The following RFTN1 variants were observed in gnomAD, a reference collection of about 807,000 sequenced individuals.
The protein encoded by RFTN1 is raftlin.
A neutral mutation model predicts 46.5 loss-of-function variants in RFTN1; 26 were observed. The ratio of observed to expected loss-of-function variants is 0.56; its 90% confidence interval spans 0.41 to 0.78. The LOEUF (loss-of-function observed/expected upper bound fraction) is 0.78, where lower values mean the gene tolerates loss of function less well. RFTN1 is among the 30% of genes least tolerant of loss of function. The probability of loss-of-function intolerance (pLI) is 0.00; values close to 1 mark genes in which losing one functional copy is unlikely to be tolerated. For synonymous variants in RFTN1, 261 were observed against 284.2 expected, an observed-to-expected ratio of 0.92 and a Z score of 0.82; for missense variants, 693 against 718.7, an observed-to-expected ratio of 0.96 and a Z score of 0.41.
At chr3:16,330,852 A>T (rs2070239692) in intron 7 of RFTN1, among the ~76,000 whole-genome samples, 1 of 152,238 alleles carries the variant, frequency 6.6e-6, no homozygotes, top group Admixed American at 6.5e-5. Flanking sequence ...TCTTTTGATG[A>T]TTTAAAAGAT....
intron 5 of RFTN1, among the ~76,000 whole-genome samples, chr3:16,375,652 T>G (rs2073739719): frequency 6.6e-6 from 1 of 152,178 alleles, no homozygotes. Flanking sequence ...AGCAGAGAGA[T>G]AAAGGGACTG....
chr3:16,369,697 C>A (rs2073411882), intron 6 of RFTN1, among the ~76,000 whole-genome samples: 1 of 152,204 alleles, frequency 6.6e-6, no homozygotes, highest in South Asian at 2.1e-4. Flanking sequence ...ACTGCTACTT[C>A]AAACTGTAAT....
chr3:16,435,917 A>ATATATATAT (rs2075501448), intron 2 of RFTN1, among the ~76,000 whole-genome samples: 2 of 142,360 alleles, frequency 1.4e-5, no homozygotes, highest in African/African-American at 5.3e-5. Flanking sequence ...CAGAGATGTA[A>ATATATATAT]ATATATATAT....
chr3:16,387,749 C>T lies in RFTN1; in HGVS notation c.442-9647G>A, dbSNP rs1423539685. ...CCGCCTCACCGACTCCACCTCCACT[C>T]ACTCTCTAGCTTCTGTACTGCCTCC... On this transcript the variant is annotated intron_variant, in intron 4 of 9. Transcript: ENST00000334133. The surrounding 1 kb of genome is among the most constrained non-coding windows in gnomAD (Gnocchi z 5.2). Among the ~76,000 whole-genome samples, 4 of 152,122 alleles carry T rather than the reference C, an allele frequency of 2.6e-5. No individual in the cohort carries two copies. The highest frequency in any genetic ancestry group is 3.9e-4 in the East Asian group (2 of 5,184).
chr3:16,440,492 C>T lies in RFTN1; in HGVS notation c.146-6455G>A, dbSNP rs1300788724. On this transcript the variant is annotated intron_variant, in intron 2 of 9. Transcript: ENST00000334133. This position sits in a 1 kb window ranked among gnomAD's most constrained non-coding sequence, Gnocchi z 4.6. The stretch of plus-strand genomic sequence containing the variant: ...CTGCAGTGCAAAGGACAATTCTCTC[C>T]TGGCTTCTCCCCTACCTGGGCAGGG... Among the ~76,000 whole-genome samples, 1 of 152,206 alleles carries T rather than the reference C, an allele frequency of 6.6e-6. No homozygotes were observed. The highest frequency in any genetic ancestry group is 2.4e-5 in the African/African-American group (1 of 41,446).
At chr3:16,369,172 T>C (rs2073382132) in intron 6 of RFTN1, among the ~76,000 whole-genome samples, 1 of 152,244 alleles carries the variant, frequency 6.6e-6, no homozygotes, top group African/African-American at 2.4e-5. Flanking sequence ...GTCTCTATTC[T>C]CAGGATGCTT....
Position 16,385,703 on chromosome 3 carries a change from T to C in RFTN1, c.442-7601A>G, listed in dbSNP as rs960225661. On this transcript the variant is annotated intron_variant, in intron 4 of 9. Coordinates refer to ENST00000334133, the MANE Select transcript of RFTN1 (RefSeq NM_015150.2). This position sits in a 1 kb window ranked among gnomAD's most constrained non-coding sequence, Gnocchi z 5.0. ...AGTTTGTCATAGTAGATGCATGCCCTGACCAGGAGGGCACAGTCAAAGAGT... is the reference window on the plus strand; with the variant it reads ...AGTTTGTCATAGTAGATGCATGCCCCGACCAGGAGGGCACAGTCAAAGAGT... Among the ~76,000 whole-genome samples the C allele has an allele frequency of 2.6e-5, 4 of 152,188 alleles. No homozygotes were observed. Among genetic ancestry groups the C allele is most frequent in the African/African-American group, 9.7e-5 (4 of 41,430 alleles).
rs888706477 is a variant in RFTN1, at chr3:16,402,268, C to T, written c.441+7107G>A. Among the ~76,000 whole-genome samples, 1 of 152,124 alleles carries T rather than the reference C, an allele frequency of 6.6e-6. No individual in the cohort carries two copies. Among genetic ancestry groups the T allele is most frequent in the Admixed American group, 6.5e-5 (1 of 15,268 alleles). On this transcript the variant is annotated intron_variant, in intron 4 of 9. Transcript: ENST00000334133. This position sits in a 1 kb window ranked among gnomAD's most constrained non-coding sequence, Gnocchi z 4.5. ...TTCTCTTTCAATGTATCCATTAACT[C>T]GACGCTTATGTATTAAGTCCTGAAG...
At chr3:16,357,114 CAAAAAAAAAAAAAACAA>C (rs1173577194) in intron 7 of RFTN1, among the ~76,000 whole-genome samples, 15 of 133,570 alleles carry the variant, frequency 1.1e-4, no homozygotes, top group African/African-American at 4.1e-4. Context: ...GATGCCATCT[CAAAAAAAAAAAAAACAA>C]AAAAACAAAC....
chr3:16,454,204 C>G (rs2124913667), intron 2 of RFTN1, among the ~76,000 whole-genome samples: 1 of 152,256 alleles, frequency 6.6e-6, no homozygotes, highest in African/African-American at 2.4e-5. Context: ...TTCTAAAAAC[C>G]CACTCTTATA....
rs1000039465 is a variant in RFTN1, at chr3:16,348,614, C to T, written c.1146+9318G>A. ...TTTCCTTTGTAGGATGTCTTCTTCC[C>T]GAGGCTCCTTGATGTGTGGGGCCTC... On this transcript the variant is annotated intron_variant, in intron 7 of 9. Transcript: ENST00000334133. The surrounding 1 kb of genome is among the most constrained non-coding windows in gnomAD (Gnocchi z 6.3). 2.6e-5 allele frequency among the ~76,000 whole-genome samples: 4 copies of T among 152,108 alleles called. No individual in the cohort carries two copies. Among genetic ancestry groups the T allele is most frequent in the Admixed American group, 6.5e-5 (1 of 15,268 alleles).
Position 16,389,986 on chromosome 3 carries a change from C to G in RFTN1, c.442-11884G>C, listed in dbSNP as rs978097855. Among the ~76,000 whole-genome samples the G allele has an allele frequency of 6.6e-5, 10 of 152,282 alleles. No individual in the cohort carries two copies. In the South Asian group the frequency reaches 1.7e-3, roughly 25 times the overall value. ...TTTGAGGAAGCCTTAAGCAGTCTGT[C>G]GAGAGGCCTACAGCCAACACCAACT... On this transcript the variant is annotated intron_variant, in intron 4 of 9. Transcript: ENST00000334133.
rs138530064 is a variant in RFTN1 at position 16,368,568 on chromosome 3, G to T, written c.1030+1508C>A. On this transcript the variant is annotated intron_variant, in intron 6 of 9. Transcript: ENST00000334133. Reference sequence around the variant, plus strand: ...TGCCTGTAATCCCAGCTACTCGGGAGGCTGAGGCAGGAGAATGGCATGAAC... The same window carrying T: ...TGCCTGTAATCCCAGCTACTCGGGATGCTGAGGCAGGAGAATGGCATGAAC... Among the ~76,000 whole-genome samples, 661 of 152,190 alleles carry T rather than the reference G, an allele frequency of 4.3e-3. 7 individuals carry two copies. Among genetic ancestry groups the T allele is most frequent in the African/African-American group, 0.015 (627 of 41,514 alleles).
rs1205000216 is a variant in RFTN1, at chr3:16,426,172, G to A, written c.332+7679C>T. ...AACCCACCGTTACTTTCTTCCCCAC[G>A]TGTGATTCCAACAATCAGCGCACTC... is the stretch of plus-strand genomic sequence containing the variant. On this transcript the variant is annotated intron_variant, in intron 3 of 9. Transcript: ENST00000334133. The surrounding 1 kb of genome is among the most constrained non-coding windows in gnomAD (Gnocchi z 5.9). 1.3e-5 allele frequency among the ~76,000 whole-genome samples: 2 copies of A among 152,068 alleles called. No individual in the cohort carries two copies. Among genetic ancestry groups the A allele is most frequent in the African/African-American group, 4.8e-5 (2 of 41,400 alleles).
At position 16,352,753 on chromosome 3, in the gene RFTN1, T is replaced by TA. The variant is rs747615364; in HGVS notation, c.1146+5178dup. Among the ~76,000 whole-genome samples the TA allele has an allele frequency of 4.6e-5, 7 of 152,212 alleles. No individual in the cohort carries two copies. The highest frequency in any genetic ancestry group is 1.0e-4 in the Non-Finnish European group (7 of 68,030). The stretch of plus-strand genomic sequence containing the variant: ...CAACTTTTTAATATATTTTCTCTTT[T>TA]AATTCTCATCAATTTTGAGAGGTTG... On this transcript the variant is annotated intron_variant, in intron 7 of 9. Coordinates refer to ENST00000334133, the MANE Select transcript of RFTN1 (RefSeq NM_015150.2). The surrounding 1 kb of genome is among the most constrained non-coding windows in gnomAD (Gnocchi z 4.6).
At chr3:16,392,359 C>T (rs1391885032) in intron 4 of RFTN1, among the ~76,000 whole-genome samples, 3 of 152,152 alleles carry the variant, frequency 2.0e-5, no homozygotes, top group Non-Finnish European at 4.4e-5. Flanking sequence ...AGACACCCCA[C>T]CCTCACATGC....
At chr3:16,453,788 T>C (rs968804620) in intron 2 of RFTN1, among the ~76,000 whole-genome samples, 8 of 152,176 alleles carry the variant, frequency 5.3e-5, no homozygotes, top group African/African-American at 1.7e-4. Flanking sequence ...TTTCAGGGTA[T>C]GATACAAGAA....
rs1050255596 is a variant in RFTN1 at position 16,498,220 on chromosome 3, G to A, written c.-8-4343C>T. ...ATAACGACTGCAACTTAGTTTAGTA[G>A]GTAAACTATATAAAAGCCTAACTTA... On this transcript the variant is annotated intron_variant, in intron 1 of 9. Coordinates refer to ENST00000334133, the MANE Select transcript of RFTN1 (RefSeq NM_015150.2). The surrounding 1 kb of genome is among the most constrained non-coding windows in gnomAD (Gnocchi z 5.2). Among the ~76,000 whole-genome samples, 9 of 152,190 alleles carry A rather than the reference G, an allele frequency of 5.9e-5. No homozygotes were observed. Among genetic ancestry groups the A allele is most frequent in the African/African-American group, 2.2e-4 (9 of 41,438 alleles).
In RFTN1 at chr3:16,323,358, G is replaced by C; in HGVS notation, c.1332+18C>G. ...GCCCTGCTGAGGAAAACCTAGGAAG[G>C]CCATCAAAGTCTCTTACCTTCGATT... On this transcript the variant is annotated intron_variant, in intron 9 of 9. Transcript: ENST00000334133. 6.4e-7 allele frequency: 1 copy of C among 1,568,794 alleles called. No individual in the cohort carries two copies. The highest frequency in any genetic ancestry group is 1.1e-5 in the South Asian group (1 of 90,246).
Sources: allele counts gnomAD v4.1 joint callset (sites outside exome capture counted in the v4.1 genomes callset), GRCh38; gene constraint gnomAD v4.1.1; non-coding constraint Gnocchi (gnomAD v3.1); transcripts MANE v1.5; gene names NCBI Gene and HGNC (gene_info 2026-07-23, HGNC 2026-07-21).